Variants in GNAZ observed in about 807,000 individuals in gnomAD.
GNAZ encodes the protein G protein subunit alpha z.
GNAZ carries 3 observed loss-of-function variants against 25.4 expected under a neutral mutation model. The ratio of observed to expected loss-of-function variants is 0.12; its 90% CI spans 0.05 to 0.30. GNAZ has a LOEUF of 0.30. Ranked by LOEUF, GNAZ falls within the 10% of genes least tolerant of loss-of-function variation. The pLI, the probability that GNAZ is intolerant of heterozygous loss-of-function variation, is 1.00. For missense variants in GNAZ, 241 were observed against 501.8 expected, an observed-to-expected ratio of 0.48 and a Z score of 4.97; for synonymous variants, 211 against 205.7, an observed-to-expected ratio of 1.03 and a Z score of -0.22.
chr22:23,093,694 A>G (rs1312550993), intron 1 of GNAZ, among the ~76,000 whole-genome samples: 3 of 152,230 alleles, frequency 2.0e-5, no homozygotes, highest in South Asian at 2.1e-4. Context: ...GTAAGTCGCC[A>G]GAGGCCACAC....
chr22:23,108,195 T>TG (rs2069539900), intron 2 of GNAZ, among the ~76,000 whole-genome samples: 2 of 152,362 alleles, frequency 1.3e-5, no homozygotes, highest in African/African-American at 4.8e-5. Context: ...ACCAAACGCC[T>TG]GCAGCATGTG....
chr22:23,075,680 G>A lies in GNAZ; in HGVS notation c.-450+5110G>A, dbSNP rs574707600. On this transcript the variant is annotated intron_variant, in intron 1 of 2. Transcript: ENST00000615612. ...GGGCCTTACACATAGTGTCAAGCCC[G>A]GGGGTGTTCCTTCTAGCAGCCTCCA... 1.7e-4 allele frequency among the ~76,000 whole-genome samples: 26 copies of A among 152,342 alleles called. 1 individual carries two copies. The East Asian group carries it at 2.5e-3, about 15-fold the overall frequency.
intron 2 of GNAZ, among the ~76,000 whole-genome samples, chr22:23,114,522 C>T (rs1282796664): frequency 4.6e-5 from 7 of 152,150 alleles, no homozygotes; most frequent in East Asian, 1.9e-4. Context: ...TATTACCCCT[C>T]GCCCCCTGCA....
At chr22:23,119,070 C>T (rs750261049) in intron 2 of GNAZ, among the ~76,000 whole-genome samples, 36 of 152,238 alleles carry the variant, frequency 2.4e-4, no homozygotes, top group Non-Finnish European at 4.9e-4. Context: ...TTCCCATATG[C>T]ATGCTTGAGT....
At chr22:23,113,996 C>T (rs1313931456) in intron 2 of GNAZ, among the ~76,000 whole-genome samples, 4 of 152,252 alleles carry the variant, frequency 2.6e-5, no homozygotes, top group Non-Finnish European at 5.9e-5. Flanking sequence ...CAAGCTTCCA[C>T]CACAAAGGGA....
intron 2 of GNAZ, among the ~76,000 whole-genome samples, chr22:23,120,573 G>A (rs1447976710): frequency 6.6e-6 from 1 of 152,146 alleles, no homozygotes; most frequent in African/African-American, 2.4e-5. Context: ...GCTAAGCTGG[G>A]TATTAAAACC....
At chr22:23,100,101 T>A (rs2069252292) in intron 2 of GNAZ, among the ~76,000 whole-genome samples, 1 of 152,116 alleles carries the variant, frequency 6.6e-6, no homozygotes, top group African/African-American at 2.4e-5. Flanking sequence ...TTTGCACCTG[T>A]GATGGACCTG....
At chr22:23,101,244 G>A (rs1021170005) in intron 2 of GNAZ, among the ~76,000 whole-genome samples, 6 of 151,510 alleles carry the variant, frequency 4.0e-5, no homozygotes, top group African/African-American at 1.2e-4. Flanking sequence ...TTCACATACC[G>A]CAGGGCTGAG....
At chr22:23,077,336 A>G (rs1280336211) in intron 1 of GNAZ, among the ~76,000 whole-genome samples, 1 of 151,832 alleles carries the variant, frequency 6.6e-6, no homozygotes, top group Non-Finnish European at 1.5e-5. Context: ...TTGATGCCTC[A>G]CTCCCTGTAG....
intron 2 of GNAZ, among the ~76,000 whole-genome samples, chr22:23,120,444 G>A (rs1488860036): frequency 2.0e-5 from 3 of 152,190 alleles, no homozygotes; most frequent in African/African-American, 7.2e-5. Context: ...CAGAGGACCA[G>A]TCTGGTTTAG....
rs750445330 is a variant in GNAZ, at chr22:23,096,028, G to C, written c.333G>C (p.Thr111=). 9 of 1,606,868 alleles carry C rather than the reference G, an allele frequency of 5.6e-6. No homozygotes were observed. The highest frequency in any genetic ancestry group is 7.6e-6 in the Non-Finnish European group (9 of 1,179,928). The change falls in exon 2 of 3, where the codon ACG becomes ACC. Residue 111 remains threonine (T), a synonymous_variant. Coordinates refer to ENST00000615612, the MANE Select transcript of GNAZ (RefSeq NM_002073.4). The part of the protein sequence containing the change: ...AYDAVQLFAL[T]GPAESKGEIT... ...ACGCTGTGCAGCTCTTTGCGCTGAC[G>C]GGCCCCGCTGAGAGCAAGGGCGAGA...
chr22:23,086,219 G>A (rs1192383711), intron 1 of GNAZ, among the ~76,000 whole-genome samples: 1 of 152,246 alleles, frequency 6.6e-6, no homozygotes, highest in Non-Finnish European at 1.5e-5. Context: ...GGCCAGGTTA[G>A]GCAGGCTGCA....
chr22:23,088,274 C>T (rs1225693288), intron 1 of GNAZ, among the ~76,000 whole-genome samples: 3 of 152,216 alleles, frequency 2.0e-5, no homozygotes, highest in South Asian at 2.1e-4. Context: ...TTTCCTCCTG[C>T]TGGTCCCTGC....
chr22:23,094,412 G>A (rs1369228477), intron 1 of GNAZ, among the ~76,000 whole-genome samples: 6 of 152,124 alleles, frequency 3.9e-5, no homozygotes, highest in African/African-American at 7.2e-5. Context: ...CCTGACTCGC[G>A]GGGTTGGTGA....
At chr22:23,089,950 T>C (rs921203146) in intron 1 of GNAZ, among the ~76,000 whole-genome samples, 9 of 152,170 alleles carry the variant, frequency 5.9e-5, no homozygotes, top group South Asian at 2.1e-4. Context: ...CCACTAGGGC[T>C]TCTTGGCCTC....
intron 1 of GNAZ, chr22:23,070,865 G>A (rs1448158110): frequency 6.6e-6 from 1 of 152,130 alleles, no homozygotes; most frequent in Admixed American, 6.5e-5. Flanking sequence ...TGGACAGAGG[G>A]CGCCGGGGAT....
chr22:23,092,060 G>C (rs148202407), intron 1 of GNAZ, among the ~76,000 whole-genome samples: 1 of 152,284 alleles, frequency 6.6e-6, no homozygotes, highest in Non-Finnish European at 1.5e-5. Context: ...CTGTGGTGGG[G>C]GGTCCTGGGT....
intron 2 of GNAZ, among the ~76,000 whole-genome samples, chr22:23,104,713 G>C (rs981300764): frequency 6.6e-6 from 1 of 151,124 alleles, no homozygotes; most frequent in Non-Finnish European, 1.5e-5. Flanking sequence ...CAGTGTAGAT[G>C]GGGGGATCTG....
intron 2 of GNAZ, among the ~76,000 whole-genome samples, chr22:23,100,591 T>C (rs1216415803): frequency 1.3e-5 from 2 of 152,202 alleles, no homozygotes; most frequent in Admixed American, 1.3e-4. Context: ...ATTGGCTTCC[T>C]GAGGAACCCC....
Sources: gnomAD v4.1 joint callset for allele counts (sites outside exome capture counted in the v4.1 genomes callset) on GRCh38, gnomAD v4.1.1 for gene constraint, MANE v1.5 for transcripts, NCBI Gene and HGNC (gene_info 2026-07-23, HGNC 2026-07-21) for gene names.